The following RARB variants were observed in gnomAD, a reference collection of about 807,000 sequenced individuals.
The protein encoded by RARB is HBV-activated protein.
A neutral mutation model predicts 51.9 loss-of-function variants in RARB; 17 were observed. The ratio of observed to expected loss-of-function variants is 0.33; its 90% CI spans 0.22 to 0.49. RARB has a LOEUF of 0.49. Among genes scored for constraint, RARB ranks in the 20% least tolerant of loss-of-function variants. The probability of loss-of-function intolerance (pLI) is 0.99; values close to 1 mark genes in which losing one functional copy is unlikely to be tolerated. For missense variants in RARB, 369 were observed against 550.8 expected (o/e 0.67, Z 3.30); for synonymous variants, 215 against 195.4 (o/e 1.10, Z -0.84).
intron 5 of RARB, among the ~76,000 whole-genome samples, chr3:25,186,416 C>G (rs560420686): frequency 4.9e-4 from 74 of 152,108 alleles, no homozygotes; most frequent in African/African-American, 1.7e-3. Flanking sequence ...TATTCAGATT[C>G]GATTTCAACC....
intron 4 of RARB, among the ~76,000 whole-genome samples, chr3:25,153,603 T>G (rs13088163): frequency 0.13 from 20,311 of 152,182 alleles, 1,420 homozygotes; most frequent in South Asian, 0.24. Flanking sequence ...TTAAACAATG[T>G]GAAAACCTTC....
chr3:24,956,992 T>C (rs747614641), intron 2 of RARB, among the ~76,000 whole-genome samples: 3 of 152,192 alleles, frequency 2.0e-5, no homozygotes, highest in Admixed American at 6.5e-5. Context: ...TTGTTCAGAA[T>C]TGAGGCAAAG....
At position 25,076,605 on chromosome 3, in the gene RARB, AAG is replaced by A. The variant is rs534464730; in HGVS notation, c.-328+16432_-328+16433del. On this transcript the variant is annotated intron_variant, in intron 3 of 11. Coordinates refer to the RARB transcript ENST00000383772. ...TTTTCCCAATGTAGCTCCACTTTTGAAGAGTTACCTGAACGTTTACATATTAA... is the reference window on the plus strand; with the variant it reads ...TTTTCCCAATGTAGCTCCACTTTTGAAGTTACCTGAACGTTTACATATTAA... Among the ~76,000 whole-genome samples, 410 of 152,336 alleles carry A rather than the reference AAG, an allele frequency of 2.7e-3. 1 individual carries two copies. Among genetic ancestry groups the A allele is most frequent in the African/African-American group, 9.6e-3 (398 of 41,578 alleles).
chr3:24,955,450 G>T (rs1269646865), intron 2 of RARB, among the ~76,000 whole-genome samples: 2 of 152,140 alleles, frequency 1.3e-5, no homozygotes, highest in Admixed American at 1.3e-4. Context: ...GTGGTTTCCA[G>T]GTTTGAGGGT....
At chr3:25,570,197 A>G (rs1700656386) in intron 4 of RARB, among the ~76,000 whole-genome samples, 1 of 152,252 alleles carries the variant, frequency 6.6e-6, no homozygotes, top group Admixed American at 6.5e-5. Context: ...TATTTGCTAT[A>G]CGACAGGCTG....
At chr3:24,968,534 A>T (rs1696326980) in intron 2 of RARB, among the ~76,000 whole-genome samples, 1 of 152,094 alleles carries the variant, frequency 6.6e-6, no homozygotes, top group Non-Finnish European at 1.5e-5. Flanking sequence ...TTTTAGCTGG[A>T]CTACCTCTTG....
At chr3:25,560,260 A>G (rs1437832407) in intron 3 of RARB, among the ~76,000 whole-genome samples, 1 of 152,190 alleles carries the variant, frequency 6.6e-6, no homozygotes, top group Non-Finnish European at 1.5e-5. Flanking sequence ...CTGTAAAGTG[A>G]GGTTTTTCAT....
intron 2 of RARB, among the ~76,000 whole-genome samples, chr3:25,044,351 G>C (rs1012973301): frequency 1.3e-5 from 2 of 152,162 alleles, no homozygotes; most frequent in African/African-American, 4.8e-5. Context: ...CTGTATCTGA[G>C]TCTGCCTACT....
intron 5 of RARB, among the ~76,000 whole-genome samples, chr3:25,350,264 C>T (rs923850471): frequency 3.3e-5 from 5 of 152,156 alleles, no homozygotes; most frequent in South Asian, 2.1e-4. Flanking sequence ...CAACCGCCTA[C>T]TGAAGTCATG....
chr3:25,221,779 A>G (rs1206802826), intron 5 of RARB, among the ~76,000 whole-genome samples: 1 of 152,186 alleles, frequency 6.6e-6, no homozygotes, highest in Non-Finnish European at 1.5e-5. Context: ...AGAGATCTAC[A>G]GTGGAAAGTG....
At chr3:25,390,113 T>C (rs1400501181) in intron 5 of RARB, among the ~76,000 whole-genome samples, 1 of 152,172 alleles carries the variant, frequency 6.6e-6, no homozygotes, top group Non-Finnish European at 1.5e-5. Flanking sequence ...TAATCACCGA[T>C]ATGATGACAT....
rs150195310 is a variant in RARB, at chr3:24,859,380, A to C, written c.-380+628A>C. On this transcript the variant is annotated intron_variant, in intron 2 of 11. Coordinates refer to the RARB transcript ENST00000383772. ...ACAGCCATGTGATGAAATGTGAAGT[A>C]AGTTTTTAGTACAACTCTCATGTAG... 6.6e-4 allele frequency among the ~76,000 whole-genome samples: 101 copies of C among 152,302 alleles called. No individual in the cohort carries two copies. The Middle Eastern group carries it at 0.014, about 21-fold the overall frequency.
At chr3:25,539,994 G>A (rs752784232) in intron 3 of RARB, among the ~76,000 whole-genome samples, 3 of 152,162 alleles carry the variant, frequency 2.0e-5, no homozygotes, top group Admixed American at 6.5e-5. Context: ...CGTACACACA[G>A]GTTCTGCAGG....
At chr3:25,020,208 G>T (rs1425663531) in intron 2 of RARB, 5 of 151,490 alleles carry the variant, frequency 3.3e-5, no homozygotes, top group African/African-American at 1.2e-4. Context: ...GAGGGCAGTG[G>T]CTTTTCACAG....
In RARB at chr3:24,931,123, C is replaced by T. The variant is rs188346551; in HGVS notation, c.-380+72371C>T. ...TTCAAACCCAGACAGTCTGGCTTCA[C>T]AGTCTATACTTTTAAGTACTCTGCT... On this transcript the variant is annotated intron_variant, in intron 2 of 11. Transcript: ENST00000383772. 1.7e-4 allele frequency among the ~76,000 whole-genome samples: 26 copies of T among 152,148 alleles called. No individual in the cohort carries two copies. In the East Asian group the frequency reaches 4.4e-3, roughly 26 times the overall value.
At chr3:25,045,663 C>T (rs559884803) in intron 2 of RARB, among the ~76,000 whole-genome samples, 24 of 152,264 alleles carry the variant, frequency 1.6e-4, no homozygotes, top group Non-Finnish European at 3.1e-4. Flanking sequence ...CCTCATGAAC[C>T]TTTTAAAAAA....
At chr3:24,991,950 C>G (rs938605022) in intron 2 of RARB, among the ~76,000 whole-genome samples, 14 of 152,064 alleles carry the variant, frequency 9.2e-5, no homozygotes, top group African/African-American at 2.9e-4. Context: ...CCAAACTGTG[C>G]AGAGGTGTAC....
intron 3 of RARB, among the ~76,000 whole-genome samples, chr3:25,106,209 C>T (rs976975985): frequency 9.0e-5 from 11 of 122,744 alleles, no homozygotes; most frequent in South Asian, 2.7e-4. Context: ...TCTGAGTTTG[C>T]GACAGAACTT....
intron 3 of RARB, among the ~76,000 whole-genome samples, chr3:25,106,465 T>G (rs1280754246): frequency 1.6e-5 from 2 of 125,102 alleles, no homozygotes; most frequent in Non-Finnish European, 3.3e-5. Context: ...TTTGTTTTTT[T>G]TTGTTTTGTT....
Sources: gnomAD v4.1 joint callset for allele counts (sites outside exome capture counted in the v4.1 genomes callset) on GRCh38, gnomAD v4.1.1 for gene constraint, MANE v1.5 for transcripts, NCBI Gene and HGNC (gene_info 2026-07-23, HGNC 2026-07-21) for gene names.